Variants in TAFA2 observed in about 807,000 individuals in gnomAD.
The protein encoded by TAFA2 is TAFA chemokine like family member 2, also known as chemokine-like protein TAFA-2.
TAFA2 carries 7 observed loss-of-function variants against 18.8 expected under a neutral mutation model. The observed-to-expected ratio is 0.37, with a 90% CI of 0.21 to 0.70. The LOEUF is 0.70. Among genes scored for constraint, TAFA2 ranks in the 30% least tolerant of loss-of-function variants. TAFA2 has a pLI of 0.53. For synonymous variants in TAFA2, 60 were observed against 54.2 expected (o/e 1.11, Z -0.47); for missense variants, 122 against 158.1 (o/e 0.77, Z 1.23).
intron 1 of TAFA2, among the ~76,000 whole-genome samples, chr12:62,068,195 T>C (rs1038061805): frequency 2.6e-5 from 4 of 152,134 alleles, no homozygotes; most frequent in African/African-American, 7.2e-5. Flanking sequence ...CTCTATTTTT[T>C]AAATACAGGA....
chr12:62,079,452 A>G (rs2136817425), intron 1 of TAFA2, among the ~76,000 whole-genome samples: 1 of 151,500 alleles, frequency 6.6e-6, no homozygotes, highest in East Asian at 1.9e-4. Context: ...CAGGAGTTTG[A>G]GACCAGTCTG....
intron 1 of TAFA2, chr12:61,879,561 C>T (rs7308102): frequency 6.8e-6 from 5 of 737,346 alleles, no homozygotes; most frequent in African/African-American, 1.7e-5. Flanking sequence ...TGGAGGTGGA[C>T]CCCAACATCC....
chr12:62,007,644 A>G (rs532573436), intron 1 of TAFA2, among the ~76,000 whole-genome samples: 3 of 152,244 alleles, frequency 2.0e-5, no homozygotes, highest in African/African-American at 7.2e-5. Context: ...AACAGACCCC[A>G]TCTTCTTTCT....
At chr12:61,757,695 C>A (rs1192043954) in intron 2 of TAFA2, among the ~76,000 whole-genome samples, 2 of 151,156 alleles carry the variant, frequency 1.3e-5, no homozygotes, top group African/African-American at 2.4e-5. Flanking sequence ...AGGAGCTGCA[C>A]AAAAGGAAAA....
chr12:61,913,182 A>G (rs1876682598), intron 1 of TAFA2, among the ~76,000 whole-genome samples: 1 of 152,200 alleles, frequency 6.6e-6, no homozygotes, highest in South Asian at 2.1e-4. Context: ...TTAAGAAACA[A>G]CAGAAAATAA....
intron 2 of TAFA2, among the ~76,000 whole-genome samples, chr12:61,846,079 T>C (rs1873391988): frequency 6.6e-6 from 1 of 152,128 alleles, no homozygotes; most frequent in African/African-American, 2.4e-5. Context: ...TGAGCCAAGA[T>C]TGGGAATCCA....
At chr12:62,138,146 G>T (rs1870972162) in intron 1 of TAFA2, among the ~76,000 whole-genome samples, 1 of 152,100 alleles carries the variant, frequency 6.6e-6, no homozygotes, top group Admixed American at 6.5e-5. Flanking sequence ...AGCCAGGTGT[G>T]GTGGCACCCG....
At chr12:61,753,888 A>C in intron 3 of TAFA2, 142 bp from the exon 4 acceptor site, 1 of 588,130 alleles carries the variant, frequency 1.7e-6, no homozygotes, top group South Asian at 3.5e-5. Flanking sequence ...CTTTTTGTTC[A>C]AAAGGACAAA....
intron 1 of TAFA2, among the ~76,000 whole-genome samples, chr12:62,244,469 C>T (rs989511908): frequency 6.6e-6 from 1 of 152,052 alleles, no homozygotes; most frequent in Admixed American, 6.6e-5. Context: ...GTTTATTAAA[C>T]CATCCACAAT....
intron 1 of TAFA2, among the ~76,000 whole-genome samples, chr12:62,173,675 A>C (rs2062493893): frequency 6.6e-6 from 1 of 152,198 alleles, no homozygotes; most frequent in Non-Finnish European, 1.5e-5. Flanking sequence ...ACCTGTGTCC[A>C]AGTTTCTGAT....
chr12:61,725,617 T>C (rs1427349594), intron 4 of TAFA2, among the ~76,000 whole-genome samples: 1 of 152,090 alleles, frequency 6.6e-6, no homozygotes. Flanking sequence ...CATTTCTGGG[T>C]TCTGTATTCT....
intron 2 of TAFA2, among the ~76,000 whole-genome samples, chr12:61,789,460 A>G (rs1445083042): frequency 6.6e-6 from 1 of 151,826 alleles, no homozygotes; most frequent in South Asian, 2.1e-4. Flanking sequence ...CAAACACTGC[A>G]TGTTCTCTCT....
chr12:62,201,974 G>T (rs1592398302), intron 1 of TAFA2, among the ~76,000 whole-genome samples: 1 of 152,110 alleles, frequency 6.6e-6, no homozygotes, highest in South Asian at 2.1e-4. Flanking sequence ...TTCAGAGGTT[G>T]TATGTGTCCA....
intron 1 of TAFA2, among the ~76,000 whole-genome samples, chr12:62,154,414 CT>C (rs897824334): frequency 3.3e-5 from 5 of 152,110 alleles, no homozygotes; most frequent in South Asian, 2.1e-4. Flanking sequence ...CATGCTACCC[CT>C]GATAACAAGG....
intron 2 of TAFA2, among the ~76,000 whole-genome samples, chr12:61,758,174 G>A (rs1869366199): frequency 6.6e-6 from 1 of 151,954 alleles, no homozygotes; most frequent in Non-Finnish European, 1.5e-5. Context: ...CATTATTGAA[G>A]TAAGTTTAGT....
chr12:61,721,783 C>T (rs1023700677), intron 4 of TAFA2, among the ~76,000 whole-genome samples: 5 of 152,046 alleles, frequency 3.3e-5, no homozygotes, highest in Admixed American at 3.3e-4. Flanking sequence ...TGGTGAAACC[C>T]CATCTCTACT....
chr12:61,733,492 G>A (rs111335439), intron 4 of TAFA2, among the ~76,000 whole-genome samples: 1 of 151,278 alleles, frequency 6.6e-6, no homozygotes, highest in South Asian at 2.1e-4. Context: ...TCTACATATG[G>A]CTAGCCAGTT....
intron 1 of TAFA2, among the ~76,000 whole-genome samples, chr12:62,102,375 T>C (rs1869248257): frequency 6.6e-6 from 1 of 152,228 alleles, no homozygotes; most frequent in African/African-American, 2.4e-5. Flanking sequence ...TTCAGAAAAG[T>C]GTAACTTGAA....
chr12:62,164,058 T>C (rs1034364814), intron 1 of TAFA2, among the ~76,000 whole-genome samples: 1 of 152,160 alleles, frequency 6.6e-6, no homozygotes, highest in Non-Finnish European at 1.5e-5. Context: ...ATAGTCTTGT[T>C]TCAGGCAATC....
Sources: gnomAD v4.1 joint callset for allele counts (sites outside exome capture counted in the v4.1 genomes callset) on GRCh38, gnomAD v4.1.1 for gene constraint, MANE v1.5 for transcripts, NCBI Gene and HGNC (gene_info 2026-07-23, HGNC 2026-07-21) for gene names.